GNAS: variants seen among roughly 807,000 people sequenced by gnomAD.
GNAS encodes the protein GNAS complex locus.
A neutral mutation model predicts 54.5 loss-of-function variants in GNAS; 8 were observed. That is an observed-to-expected ratio of 0.15 (90% CI 0.09 to 0.26). GNAS has a LOEUF of 0.26. GNAS is among the 10% of genes least tolerant of loss of function. The probability of loss-of-function intolerance (pLI) is 1.00; values close to 1 mark genes in which losing one functional copy is unlikely to be tolerated. For synonymous variants in GNAS, 204 were observed against 191.4 expected, an observed-to-expected ratio of 1.07 and a Z score of -0.54; for missense variants, 170 against 529.8, an observed-to-expected ratio of 0.32 and a Z score of 6.67.
chr20:58,890,406 G>C (rs1445988589), upstream of GNAS, among the ~76,000 whole-genome samples: 1 of 151,780 alleles, frequency 6.6e-6, no homozygotes, highest in African/African-American at 2.4e-5. Flanking sequence ...CTACTACGCG[G>C]CGCCGCGCGT....
At chr20:58,858,370 AAGAGAGAG>A (rs139713343) in intron 1 of GNAS, among the ~76,000 whole-genome samples, 2 of 151,024 alleles carry the variant, frequency 1.3e-5, no homozygotes, top group East Asian at 3.9e-4. Context: ...TAAGAAATCA[AAGAGAGAG>A]AGAGAGAGAG....
rs891851561 is a variant in GNAS at position 58,891,560 on chromosome 20, C to G, written c.-167C>G. 1.7e-5 allele frequency: 17 copies of G among 973,662 alleles called. 1 individual carries two copies. The Admixed American group carries it at 5.1e-4, about 29-fold the overall frequency. The allele number at this position is 973,662 out of a possible 1,614,324, so 60.3% of individuals were successfully genotyped here. ...CCTCCCCTTCCCGCCCGTCCGCGCG[C>G]CCCGCGGCCCGCGGCCCGCAGTCCG... On this transcript the variant is annotated 5_prime_UTR_variant, in exon 1 of 13. Transcript: ENST00000371085.
At chr20:58,883,218 G>C (rs1296104009) in intron 1 of GNAS, among the ~76,000 whole-genome samples, 1 of 152,212 alleles carries the variant, frequency 6.6e-6, no homozygotes, top group Non-Finnish European at 1.5e-5. Context: ...GAGTCTGTCT[G>C]CCTTCTGAAA....
In GNAS at chr20:58,853,741, A is replaced by T; in HGVS notation, c.43+12855A>T. On this transcript the variant is annotated intron_variant, in intron 1 of 12. Transcript: ENST00000306090. This position sits in a 1 kb window ranked among gnomAD's most constrained non-coding sequence, Gnocchi z 4.4. Reference sequence around the variant, plus strand: ...CTGGGAGGATACAGCCCTCCACCAGAAGAAGCTATGCCCTTTGAGTTTGAC... The same window carrying T: ...CTGGGAGGATACAGCCCTCCACCAGTAGAAGCTATGCCCTTTGAGTTTGAC... The T allele has an allele frequency of 6.2e-7, 1 of 1,613,778 alleles. No individual in the cohort carries two copies.
At chr20:58,900,136 A>G (rs13831) in intron 3 of GNAS, 416,885 of 570,298 alleles carry the variant, frequency 0.73, 154,321 homozygotes, top group African/African-American at 0.93. Flanking sequence ...ACGAAAAATG[A>G]ACTGAAATCC....
intron 3 of GNAS, chr20:58,899,924 ATGTT>A: frequency 2.8e-6 from 2 of 717,808 alleles, no homozygotes; most frequent in Non-Finnish European, 5.2e-6. Flanking sequence ...TAACTGACAC[ATGTT>A]TGTTCATCTG....
At chr20:58,852,988 A>C (rs2086245011) in intron 1 of GNAS, 5 of 1,248,776 alleles carry the variant, frequency 4.0e-6, no homozygotes, top group Non-Finnish European at 5.0e-6. Context: ...GTAAGGATAG[A>C]CCAAGGAAGA....
chr20:58,855,525 T>G (rs2086443526), intron 1 of GNAS: 1 of 725,118 alleles, frequency 1.4e-6, no homozygotes, highest in Admixed American at 2.0e-5. Context: ...CTTTGGTGGA[T>G]TCGGGTGGCC....
chr20:58,903,157 G>A (rs988757555), intron 3 of GNAS: 2 of 382,402 alleles, frequency 5.2e-6, no homozygotes, highest in Non-Finnish European at 1.0e-5. Context: ...ACCTCATAGT[G>A]ACCTATCACT....
intron 2 of GNAS, among the ~76,000 whole-genome samples, chr20:58,896,256 T>C (rs1458636104): frequency 3.9e-5 from 6 of 151,994 alleles, no homozygotes; most frequent in African/African-American, 1.5e-4. Flanking sequence ...TAAATTACCA[T>C]TATGGGTAAA....
At chr20:58,847,122 T>C (rs891334683) in intron 1 of GNAS, among the ~76,000 whole-genome samples, 1 of 152,220 alleles carries the variant, frequency 6.6e-6, no homozygotes, top group Admixed American at 6.5e-5. Context: ...AAACAGAATT[T>C]GGGGCACCTT....
At chr20:58,889,502 C>G, upstream of GNAS, 1 of 248,126 alleles carries the variant, frequency 4.0e-6, no homozygotes, top group Non-Finnish European at 6.4e-6. Flanking sequence ...TCTCTCTTTT[C>G]TCTTCTCCAT....
chr20:58,851,887 C>T (rs577793015), intron 1 of GNAS, among the ~76,000 whole-genome samples: 1 of 152,308 alleles, frequency 6.6e-6, no homozygotes, highest in East Asian at 1.9e-4. Context: ...GGCCGGTGCC[C>T]GAAGCAGCGA....
intron 1 of GNAS, among the ~76,000 whole-genome samples, chr20:58,860,853 G>A (rs1384115546): frequency 6.6e-6 from 1 of 152,118 alleles, no homozygotes; most frequent in Non-Finnish European, 1.5e-5. Flanking sequence ...GTAGAGATGG[G>A]GTTTCACCAT....
At chr20:58,854,147 C>G in intron 1 of GNAS, 3 of 1,612,572 alleles carry the variant, frequency 1.9e-6, no homozygotes, top group Non-Finnish European at 2.5e-6. Flanking sequence ...CTCCTTCTAA[C>G]TTCACGGGCA....
chr20:58,891,997 C>T (rs1410386033), intron 1 of GNAS, 132 bp downstream of exon 1: 19 of 761,340 alleles, frequency 2.5e-5, no homozygotes, highest in African/African-American at 2.5e-4. Context: ...CGGGCTCTGT[C>T]TGTGGGGGGC....
At chr20:58,895,875 G>T (rs1333592219) in intron 2 of GNAS, among the ~76,000 whole-genome samples, 191 bp downstream of exon 2, 2 of 151,954 alleles carry the variant, frequency 1.3e-5, no homozygotes, top group African/African-American at 4.8e-5. Context: ...GATCTTTGGT[G>T]CAACAAATAC....
chr20:58,896,113 G>A (rs539272767), intron 2 of GNAS, among the ~76,000 whole-genome samples: 1 of 152,118 alleles, frequency 6.6e-6, no homozygotes, highest in African/African-American at 2.4e-5. Context: ...ACCTCACGCA[G>A]ATTTCAATGT....
intron 1 of GNAS, among the ~76,000 whole-genome samples, chr20:58,866,365 A>G (rs958362317): frequency 1.3e-5 from 2 of 152,224 alleles, no homozygotes; most frequent in Non-Finnish European, 2.9e-5. Context: ...ATACATAGCT[A>G]AGCCAATAGA....
Sources: allele counts gnomAD v4.1 joint callset (sites outside exome capture counted in the v4.1 genomes callset), GRCh38; gene constraint gnomAD v4.1.1; non-coding constraint Gnocchi (gnomAD v3.1); transcripts MANE v1.5; gene names NCBI Gene and HGNC (gene_info 2026-07-23, HGNC 2026-07-21).